The following EEIG2 variants were observed in gnomAD, a reference collection of about 807,000 sequenced individuals.
The protein encoded by EEIG2 is EEIG family member 2.
chr1:108,564,648 T>C, the EEIG2 span, among the ~76,000 whole-genome samples: 1 of 152,060 alleles, frequency 6.6e-6, no homozygotes, highest in Non-Finnish European at 1.5e-5. Flanking sequence ...TTAAAGATTA[T>C]TAGTGAAAAA....
chr1:108,573,955 G>A, the EEIG2 span, among the ~76,000 whole-genome samples: 1 of 152,340 alleles, frequency 6.6e-6, no homozygotes, highest in South Asian at 2.1e-4. Context: ...AAATGGGGCA[G>A]CCCCTATGGA....
the EEIG2 span, among the ~76,000 whole-genome samples, chr1:108,601,691 G>T: frequency 2.0e-5 from 3 of 152,002 alleles, no homozygotes; most frequent in Admixed American, 6.6e-5. Context: ...CAACCATTTA[G>T]AAAAATAGGC....
the EEIG2 span, chr1:108,600,604 A>G: frequency 3.1e-6 from 5 of 1,612,044 alleles, no homozygotes; most frequent in Admixed American, 3.3e-5. Flanking sequence ...TGGAGAAAGA[A>G]GTTCTCATTT....
the EEIG2 span, among the ~76,000 whole-genome samples, chr1:108,591,800 A>C: frequency 6.6e-6 from 1 of 152,212 alleles, no homozygotes; most frequent in Non-Finnish European, 1.5e-5. Flanking sequence ...TAGATGCGTT[A>C]GAATTAAACT....
the EEIG2 span, among the ~76,000 whole-genome samples, chr1:108,572,290 G>C: frequency 3.9e-5 from 6 of 152,034 alleles, no homozygotes; most frequent in Non-Finnish European, 8.8e-5. Flanking sequence ...TATTTTCAGA[G>C]CAAAATTGAA....
the EEIG2 span, among the ~76,000 whole-genome samples, chr1:108,604,409 G>C: frequency 6.6e-6 from 1 of 152,164 alleles, no homozygotes; most frequent in African/African-American, 2.4e-5. Flanking sequence ...AAACATATAA[G>C]TGGTCATTAT....
the EEIG2 span, among the ~76,000 whole-genome samples, chr1:108,579,656 C>T: frequency 6.6e-6 from 1 of 151,628 alleles, no homozygotes; most frequent in African/African-American, 2.4e-5. Context: ...AGCACCACAC[C>T]ACACTGCATT....
the EEIG2 span, among the ~76,000 whole-genome samples, chr1:108,593,061 G>A: frequency 6.6e-6 from 1 of 152,178 alleles, no homozygotes; most frequent in Non-Finnish European, 1.5e-5. Flanking sequence ...GGGAGGCTGA[G>A]ACAGAAAAAT....
chr1:108,584,561 T>C, the EEIG2 span, among the ~76,000 whole-genome samples: 1,193 of 152,298 alleles, frequency 7.8e-3, 15 homozygotes, highest in African/African-American at 0.028. Flanking sequence ...ATAAACGCAT[T>C]TAGTGACATT....
chr1:108,562,640 A>G, the EEIG2 span, among the ~76,000 whole-genome samples: 1 of 152,344 alleles, frequency 6.6e-6, no homozygotes, highest in South Asian at 2.1e-4. Context: ...TATGTAAAAT[A>G]GAAACCATCA....
the EEIG2 span, among the ~76,000 whole-genome samples, chr1:108,614,205 T>TTAA: frequency 4.9e-5 from 5 of 101,224 alleles, no homozygotes; most frequent in East Asian, 9.0e-4. Flanking sequence ...ACCCCATCTC[T>TTAA]AAAAAAAAAA....
At chr1:108,628,176 C>G in the EEIG2 span, 5 of 1,614,058 alleles carry the variant, frequency 3.1e-6, no homozygotes, top group East Asian at 6.7e-5. Context: ...GATCTTTCAG[C>G]AAAGAGTGCC....
the EEIG2 span, among the ~76,000 whole-genome samples, chr1:108,602,093 G>T: frequency 6.6e-6 from 1 of 152,176 alleles, no homozygotes; most frequent in Non-Finnish European, 1.5e-5. Flanking sequence ...GGGCAAAGGA[G>T]ATTATTTTAG....
chr1:108,633,985 G>A, the EEIG2 span, among the ~76,000 whole-genome samples: 1 of 152,158 alleles, frequency 6.6e-6, no homozygotes. Context: ...TAGCTGGGGC[G>A]GTTGTCGGGC....
At chr1:108,591,332 A>C in the EEIG2 span, among the ~76,000 whole-genome samples, 7 of 152,292 alleles carry the variant, frequency 4.6e-5, no homozygotes, top group East Asian at 1.9e-4. Flanking sequence ...ATCACACACA[A>C]AAAAAATCTG....
the EEIG2 span, chr1:108,612,049 A>C: frequency 1.8e-6 from 1 of 570,372 alleles, no homozygotes; most frequent in Non-Finnish European, 3.1e-6. Flanking sequence ...AGGTATTAAG[A>C]GTCAAAAATT....
At chr1:108,602,613 C>G in the EEIG2 span, among the ~76,000 whole-genome samples, 1 of 152,096 alleles carries the variant, frequency 6.6e-6, no homozygotes, top group Non-Finnish European at 1.5e-5. Flanking sequence ...GGTGTGGTGG[C>G]TCACACCTGT....
the EEIG2 span, among the ~76,000 whole-genome samples, chr1:108,609,356 TA>T: frequency 6.6e-6 from 1 of 152,110 alleles, no homozygotes; most frequent in African/African-American, 2.4e-5. Context: ...AATATGCAAA[TA>T]TGAAATATGT....
the EEIG2 span, among the ~76,000 whole-genome samples, chr1:108,619,467 T>A: frequency 3.3e-5 from 5 of 152,346 alleles, no homozygotes; most frequent in South Asian, 1.0e-3. Flanking sequence ...TAAATTAGTT[T>A]TATCAAGTTA....
Sources: allele counts gnomAD v4.1 joint callset (sites outside exome capture counted in the v4.1 genomes callset), GRCh38; gene constraint gnomAD v4.1.1; transcripts MANE v1.5; gene names NCBI Gene and HGNC (gene_info 2026-07-23, HGNC 2026-07-21).